Variants in CCDC33 observed in about 807,000 individuals in gnomAD.
CCDC33 encodes coiled-coil domain containing 33, also known as coiled-coil domain-containing protein 33.
Under a neutral mutation model 91.9 loss-of-function variants are expected in CCDC33, and 94 were observed. The ratio of observed to expected loss-of-function variants is 1.02; its 90% CI spans 0.87 to 1.21. The LOEUF (loss-of-function observed/expected upper bound fraction) is 1.21, where lower values mean the gene tolerates loss of function less well. CCDC33 is among the 50% of genes most tolerant of loss of function. CCDC33 has a pLI of 0.00. For missense variants in CCDC33, 940 were observed against 935.5 expected (o/e 1.00, Z -0.06); for synonymous variants, 396 against 374.5 (o/e 1.06, Z -0.66).
chr15:74,253,942 C>T (rs545680413), intron 2 of CCDC33, among the ~76,000 whole-genome samples: 4 of 152,144 alleles, frequency 2.6e-5, no homozygotes, highest in South Asian at 4.2e-4. Context: ...TTCAAACTCC[C>T]GGCCTCAAGT....
chr15:74,253,177 T>C (rs1180670889), intron 2 of CCDC33, among the ~76,000 whole-genome samples: 2 of 152,192 alleles, frequency 1.3e-5, no homozygotes, highest in Non-Finnish European at 2.9e-5. Flanking sequence ...CTTCCTGGTG[T>C]CCTCATTGCA....
At chr15:74,288,091 A>G (rs1409408821) in intron 10 of CCDC33, among the ~76,000 whole-genome samples, 1 of 152,202 alleles carries the variant, frequency 6.6e-6, no homozygotes, top group Non-Finnish European at 1.5e-5. Flanking sequence ...GAACACACAC[A>G]GAGTTTGACA....
intron 11 of CCDC33, among the ~76,000 whole-genome samples, chr15:74,322,580 G>A (rs995167823): frequency 1.1e-4 from 17 of 152,322 alleles, no homozygotes; most frequent in African/African-American, 3.8e-4. Flanking sequence ...TTGTGAGATG[G>A]GGGTTCCAGG....
chr15:74,216,197 A>C (rs1243403232), upstream of CCDC33, among the ~76,000 whole-genome samples: 1 of 152,034 alleles, frequency 6.6e-6, no homozygotes, highest in Non-Finnish European at 1.5e-5. Context: ...CCAGACCCAC[A>C]CTGGTTGGCC....
Position 74,305,550 on chromosome 15 carries a change from G to A in CCDC33, c.1290+9602G>A, listed in dbSNP as rs117777389. On this transcript the variant is annotated intron_variant, in intron 11 of 18. Coordinates refer to ENST00000398814, the MANE Select transcript of CCDC33 (RefSeq NM_025055.5). The stretch of plus-strand genomic sequence containing the variant: ...AAGGGGGAAGTACTCAAACCCCAAG[G>A]ATGAGCAGTGCTTCAGGAGCCAAGA... Among the ~76,000 whole-genome samples, 1,404 of 152,294 alleles carry A rather than the reference G, an allele frequency of 9.2e-3. 17 individuals are homozygous for A. Among genetic ancestry groups the A allele is most frequent in the Middle Eastern group, 0.048 (14 of 294 alleles).
At chr15:74,311,255 G>A (rs538000645) in intron 11 of CCDC33, among the ~76,000 whole-genome samples, 2 of 152,294 alleles carry the variant, frequency 1.3e-5, no homozygotes, top group East Asian at 1.9e-4. Flanking sequence ...CCCCCAGGGA[G>A]AGATGTGGCA....
intron 2 of CCDC33, among the ~76,000 whole-genome samples, chr15:74,257,632 T>C (rs535804483): frequency 6.6e-6 from 1 of 152,192 alleles, no homozygotes; most frequent in South Asian, 2.1e-4. Context: ...CAACCCATGC[T>C]CCGAAGTCAG....
At chr15:74,318,484 C>T (rs1596109948) in intron 11 of CCDC33, 1 of 583,272 alleles carries the variant, frequency 1.7e-6, no homozygotes, top group Non-Finnish European at 3.0e-6. Context: ...GCCCCATGGG[C>T]CTGCCTGCTT....
rs775097538 is a variant in CCDC33 at position 74,280,138 on chromosome 15, A to G, written c.889+46A>G. ...CGCCAGGGCAGCCATGCCTCAGGAG[A>G]TCTGTATTATGAAAGGGTGTTCAGA... On this transcript the variant is annotated intron_variant, in intron 8 of 18. Coordinates refer to ENST00000398814, the MANE Select transcript of CCDC33 (RefSeq NM_025055.5). 3.1e-6 allele frequency: 5 copies of G among 1,608,686 alleles called. No homozygotes were observed. The East Asian group carries it at 8.9e-5, about 29-fold the overall frequency.
chr15:74,223,750 ACACACACACACACACGCAAGCATG>A (rs2074689137), intron 2 of CCDC33, among the ~76,000 whole-genome samples: 1 of 103,190 alleles, frequency 9.7e-6, no homozygotes, highest in Non-Finnish European at 1.9e-5. Flanking sequence ...ACACACACAC[ACACACACACACACACGCAAGCATG>A]CACACACACA....
At chr15:74,210,609 A>C (rs2074352901) in intron 2 of CCDC33, among the ~76,000 whole-genome samples, 1 of 152,244 alleles carries the variant, frequency 6.6e-6, no homozygotes, top group Non-Finnish European at 1.5e-5. Flanking sequence ...CACTTGTTTG[A>C]AATGCATATT....
intron 10 of CCDC33, among the ~76,000 whole-genome samples, chr15:74,285,018 C>A (rs1299070120): frequency 6.6e-6 from 1 of 152,268 alleles, no homozygotes; most frequent in African/African-American, 2.4e-5. Context: ...CTCCAGCTGC[C>A]GAGGCTTGTG....
chr15:74,243,176 A>G (rs1026966618), intron 1 of CCDC33, among the ~76,000 whole-genome samples: 2 of 152,220 alleles, frequency 1.3e-5, no homozygotes, highest in African/African-American at 2.4e-5. Context: ...TTTCCTGGGT[A>G]GAAGACAGGT....
At chr15:74,274,507 G>C in intron 7 of CCDC33, among the ~76,000 whole-genome samples, 1 of 152,236 alleles carries the variant, frequency 6.6e-6, no homozygotes, top group Non-Finnish European at 1.5e-5. Flanking sequence ...TAAAGGCAAA[G>C]ACATTTGAAG....
chr15:74,241,590 C>T (rs1222006751), intron 1 of CCDC33, among the ~76,000 whole-genome samples: 1 of 152,228 alleles, frequency 6.6e-6, no homozygotes, highest in Non-Finnish European at 1.5e-5. Flanking sequence ...AAGCAGCAAG[C>T]TACTTCAGGG....
chr15:74,265,130 A>C (rs897061856), intron 3 of CCDC33, among the ~76,000 whole-genome samples: 2 of 151,998 alleles, frequency 1.3e-5, no homozygotes, highest in African/African-American at 4.8e-5. Flanking sequence ...TCTCCACCCC[A>C]ACATCCAAAT....
At chr15:74,234,310 C>G (rs2075077498), upstream of CCDC33, among the ~76,000 whole-genome samples, 2 of 152,260 alleles carry the variant, frequency 1.3e-5, no homozygotes, top group African/African-American at 2.4e-5. Context: ...ATTCCCTGCT[C>G]TCCCTCACCC....
At chr15:74,212,561 TCA>T (rs1349930451), upstream of CCDC33, 1 of 152,150 alleles carries the variant, frequency 6.6e-6, no homozygotes, top group Non-Finnish European at 1.5e-5. Flanking sequence ...GCAGACAGGA[TCA>T]CAGTTACTAC....
intron 2 of CCDC33, among the ~76,000 whole-genome samples, chr15:74,259,802 A>G (rs1006535543): frequency 6.6e-6 from 1 of 152,092 alleles, no homozygotes; most frequent in African/African-American, 2.4e-5. Flanking sequence ...TCCTGTCACT[A>G]TGTTGCCTGT....
Sources: allele counts gnomAD v4.1 joint callset (sites outside exome capture counted in the v4.1 genomes callset), GRCh38; gene constraint gnomAD v4.1.1; transcripts MANE v1.5; gene names NCBI Gene and HGNC (gene_info 2026-07-23, HGNC 2026-07-21).